DRG2: variants seen among roughly 807,000 people sequenced by gnomAD.
DRG2 encodes developmentally-regulated GTP-binding protein 2.
A neutral mutation model predicts 53.4 loss-of-function variants in DRG2; 36 were observed. The observed-to-expected ratio is 0.67, with a 90% CI of 0.52 to 0.89. DRG2 has a LOEUF of 0.89. Among genes scored for constraint, DRG2 ranks in the 40% least tolerant of loss-of-function variants. The pLI is 0.00. For synonymous variants in DRG2, 167 were observed against 192.1 expected, an observed-to-expected ratio of 0.87 and a Z score of 1.08; for missense variants, 342 against 481.2, an observed-to-expected ratio of 0.71 and a Z score of 2.71.
chr17:18,107,098 C>A, intron 12 of DRG2, 56 bp from the exon 13 acceptor site: 1 of 1,550,640 alleles, frequency 6.4e-7, no homozygotes, highest in Non-Finnish European at 8.9e-7. Context: ...GGATATCTTC[C>A]TTGACCTTGG....
chr17:18,093,679 A>ATT, intron 1 of DRG2, 134 bp from the exon 2 acceptor site: 200 of 831,774 alleles, frequency 2.4e-4, no homozygotes, highest in South Asian at 4.9e-4. Flanking sequence ...AAGCAGAGAG[A>ATT]TTTTTTTTTT....
chr17:18,094,753 T>A (rs1014399599), intron 2 of DRG2, among the ~76,000 whole-genome samples: 2 of 151,986 alleles, frequency 1.3e-5, no homozygotes, highest in African/African-American at 4.8e-5. Flanking sequence ...GGTGGGTGGA[T>A]CACCTGAGGT....
Position 18,104,464 on chromosome 17 carries a change from G to A in DRG2, c.896-159G>A, listed in dbSNP as rs578055567. On this transcript the variant is annotated intron_variant, in intron 10 of 12. Transcript: ENST00000225729. ...GATCAAGGTCGTAGAAGATGGTACA[G>A]GGATCTATGTGGAGGGTGTGCTGGA... 103 of 1,429,812 alleles carry A rather than the reference G, an allele frequency of 7.2e-5. No homozygotes were observed. The South Asian group carries it at 1.3e-3, about 18-fold the overall frequency. 88.6% of individuals were successfully genotyped at this position (1,429,812 alleles called of 1,614,324 possible). A position where few individuals can be genotyped will look rare whatever the true frequency, so the allele number is the denominator to read the frequency against.
chr17:18,103,286 C>T lies in DRG2; in HGVS notation c.807-515C>T, dbSNP rs980123344. Among the ~76,000 whole-genome samples the T allele has an allele frequency of 1.3e-5, 2 of 152,202 alleles. No homozygotes were observed. The highest frequency in any genetic ancestry group is 3.9e-4 in the East Asian group (2 of 5,154). The stretch of plus-strand genomic sequence containing the variant: ...CCAGTATTTGGAGCAAGGCACATCC[C>T]GGGCCTTATCTTTTTAATCCCTCTG... On this transcript the variant is annotated intron_variant, in intron 9 of 12. Coordinates refer to ENST00000225729, the MANE Select transcript of DRG2 (RefSeq NM_001388.5). The surrounding 1 kb of genome is among the most constrained non-coding windows in gnomAD (Gnocchi z 4.4).
At chr17:18,089,655 T>G (rs1265155212) in intron 1 of DRG2, among the ~76,000 whole-genome samples, 2 of 152,166 alleles carry the variant, frequency 1.3e-5, no homozygotes, top group Non-Finnish European at 2.9e-5. Context: ...GGATTGGGTC[T>G]GCTTAGGTGG....
At chr17:18,091,563 G>T (rs868577077) in intron 1 of DRG2, among the ~76,000 whole-genome samples, 1 of 151,680 alleles carries the variant, frequency 6.6e-6, no homozygotes, top group African/African-American at 2.4e-5. Flanking sequence ...TCCAACCGGG[G>T]TGACACCAGT....
rs2045582830 is a variant in DRG2 at position 18,103,943 on chromosome 17, C to T, written c.895+54C>T. ...CAGGCTGAGCTTCATCCCTAGAAGG[C>T]TGCCAGGCCGGTGTGTGGTGCCCAG... On this transcript the variant is annotated intron_variant, in intron 10 of 12. Coordinates refer to ENST00000225729, the MANE Select transcript of DRG2 (RefSeq NM_001388.5). This position sits in a 1 kb window ranked among gnomAD's most constrained non-coding sequence, Gnocchi z 4.4. 1.3e-6 allele frequency: 2 copies of T among 1,575,850 alleles called. No homozygotes were observed. The highest frequency in any genetic ancestry group is 1.3e-5 in the African/African-American group (1 of 74,140).
intron 1 of DRG2, 130 bp downstream of exon 1, chr17:18,088,217 C>A: frequency 8.4e-7 from 1 of 1,185,402 alleles, no homozygotes; most frequent in Non-Finnish European, 1.2e-6. Context: ...AGACAAGTGC[C>A]GAGGCCGCCC....
rs903494316 is a variant in DRG2, at chr17:18,103,937, A to G, written c.895+48A>G. 3 of 1,589,802 alleles carry G rather than the reference A, an allele frequency of 1.9e-6. No individual in the cohort carries two copies. Among genetic ancestry groups the G allele is most frequent in the African/African-American group, 2.7e-5 (2 of 74,406 alleles). On this transcript the variant is annotated intron_variant, in intron 10 of 12. Transcript: ENST00000225729. The surrounding 1 kb of genome is among the most constrained non-coding windows in gnomAD (Gnocchi z 4.4). The stretch of plus-strand genomic sequence containing the variant: ...GAAAAACAGGCTGAGCTTCATCCCT[A>G]GAAGGCTGCCAGGCCGGTGTGTGGT...
At chr17:18,097,201 C>T (rs941829826) in intron 2 of DRG2, 1 of 152,258 alleles carries the variant, frequency 6.6e-6, no homozygotes, top group Admixed American at 6.5e-5. Context: ...GTGTCTATCC[C>T]TATACCTGTC....
chr17:18,096,454 A>G (rs577860271), intron 2 of DRG2: 71 of 152,250 alleles, frequency 4.7e-4, no homozygotes, highest in African/African-American at 1.6e-3. Flanking sequence ...TTTGCTGCTC[A>G]AATCTTTTTA....
At chr17:18,101,431 C>T in intron 7 of DRG2, 62 bp from the exon 8 acceptor site, 1 of 1,530,918 alleles carries the variant, frequency 6.5e-7, no homozygotes, top group Non-Finnish European at 9.0e-7. Flanking sequence ...TTTTTGGGGC[C>T]CTCCGCTGAT....
rs893817445 is a variant in DRG2 at position 18,103,204 on chromosome 17, T to C, written c.807-597T>C. Among the ~76,000 whole-genome samples the C allele has an allele frequency of 5.3e-5, 8 of 152,136 alleles. No homozygotes were observed. The highest frequency in any genetic ancestry group is 2.1e-4 in the South Asian group (1 of 4,822). ...TACCTGCTTGTGCTCAGAATAGCTC[T>C]ACAGAGGTCAGGACACAGCTCGGGG... On this transcript the variant is annotated intron_variant, in intron 9 of 12. Coordinates refer to ENST00000225729, the MANE Select transcript of DRG2 (RefSeq NM_001388.5). This position sits in a 1 kb window ranked among gnomAD's most constrained non-coding sequence, Gnocchi z 4.4.
In DRG2 at chr17:18,103,884, G is replaced by C; in HGVS notation, c.890G>C (p.Arg297Thr). The stretch of plus-strand genomic sequence containing the variant: ...CTGACCTGCATCTACACCAAGAAGA[G>C]AGGACGTGAGTTGCACTGCGCGTAG... ...LALTCIYTKK[R>T]GQRPDFTDAI... Residue 297 changes from arginine to threonine, a missense_variant, in exon 10 of 13, where the codon AGA becomes ACA. Physicochemically the swap from Arg to Thr is moderately conservative, Grantham distance 71. Coordinates refer to ENST00000225729, the MANE Select transcript of DRG2 (RefSeq NM_001388.5). The surrounding 1 kb of genome is among the most constrained non-coding windows in gnomAD (Gnocchi z 4.4). The C allele has an allele frequency of 6.2e-7, 1 of 1,614,070 alleles. No individual in the cohort carries two copies. Among genetic ancestry groups the C allele is most frequent in the South Asian group, 1.1e-5 (1 of 91,084 alleles).
At chr17:18,096,020 G>C (rs1010043703) in intron 2 of DRG2, 6 of 152,196 alleles carry the variant, frequency 3.9e-5, no homozygotes, top group Non-Finnish European at 5.9e-5. Flanking sequence ...TTTGTAGAAA[G>C]TCCTTCAGTT....
intron 2 of DRG2, 113 bp downstream of exon 2, chr17:18,094,086 G>T: frequency 2.2e-6 from 3 of 1,388,600 alleles, no homozygotes; most frequent in East Asian, 2.4e-5. Flanking sequence ...GGACACAGAA[G>T]ACCTGGCCTC....
rs758628329 is a variant in DRG2 at position 18,098,373 on chromosome 17, C to T, written c.315+14C>T. The T allele has an allele frequency of 6.2e-7, 1 of 1,611,910 alleles. No homozygotes were observed. Among genetic ancestry groups the T allele is most frequent in the Non-Finnish European group, 8.5e-7 (1 of 1,178,100 alleles). Reference sequence around the variant, plus strand: ...GGGGTCATTGAAGTAAGTGGGTGTGCTGGGCCCAGAAGGAGAAGGGGCGCA... The same window carrying T: ...GGGGTCATTGAAGTAAGTGGGTGTGTTGGGCCCAGAAGGAGAAGGGGCGCA... On this transcript the variant is annotated intron_variant, in intron 3 of 12. Transcript: ENST00000225729. The surrounding 1 kb of genome is among the most constrained non-coding windows in gnomAD (Gnocchi z 4.1).
At position 18,099,306 on chromosome 17, in the gene DRG2, A is replaced by C. The variant is rs2045485023; in HGVS notation, c.376+229A>C. 6.5e-6 allele frequency: 4 copies of C among 611,654 alleles called. No homozygotes were observed. Among genetic ancestry groups the C allele is most frequent in the Non-Finnish European group, 1.1e-5 (4 of 347,898 alleles). The allele number at this position is 611,654 out of a possible 1,614,324, so 37.9% of individuals were successfully genotyped here. Reference sequence around the variant, plus strand: ...CAGTTTCCTCAGCTGTAGAATGGGCATAATAATACATAATTTACAGCATAG... The same window carrying C: ...CAGTTTCCTCAGCTGTAGAATGGGCCTAATAATACATAATTTACAGCATAG... On this transcript the variant is annotated intron_variant, in intron 4 of 12. Transcript: ENST00000225729. This position sits in a 1 kb window ranked among gnomAD's most constrained non-coding sequence, Gnocchi z 4.4.
intron 11 of DRG2, 198 bp from the exon 12 acceptor site, chr17:18,106,235 G>A (rs2045627328): frequency 3.3e-6 from 2 of 604,308 alleles, no homozygotes; most frequent in Non-Finnish European, 6.0e-6. Flanking sequence ...GGAATGGCAG[G>A]GCCACCTGCA....
Sources: allele counts gnomAD v4.1 joint callset (sites outside exome capture counted in the v4.1 genomes callset), GRCh38; gene constraint gnomAD v4.1.1; non-coding constraint Gnocchi (gnomAD v3.1); transcripts MANE v1.5; gene names NCBI Gene and HGNC (gene_info 2026-07-23, HGNC 2026-07-21).